The following TMEM80 variants were observed in gnomAD, a reference collection of about 807,000 sequenced individuals.
TMEM80 encodes transmembrane protein 80.
Under a neutral mutation model 13.6 loss-of-function variants are expected in TMEM80, and 16 were observed. The ratio of observed to expected loss-of-function variants is 1.17; its 90% CI spans 0.79 to 1.78. TMEM80 has a LOEUF of 1.78. Ranked by LOEUF, TMEM80 falls within the 40% of genes most tolerant of loss-of-function variation. The pLI is 0.00. For synonymous variants in TMEM80, 92 were observed against 89.5 expected (o/e 1.03, Z -0.16); for missense variants, 167 against 184.6 (o/e 0.90, Z 0.55).
At chr11:702,866 A>T in intron 4 of TMEM80, 79 bp from the exon 5 acceptor site, 1 of 1,399,414 alleles carries the variant, frequency 7.1e-7, no homozygotes, top group South Asian at 1.4e-5. Context: ...TGGTCCCAGC[A>T]GCCCTCCAGG....
At chr11:704,908 G>T (rs1285975711), downstream of TMEM80, 5 of 353,760 alleles carry the variant, frequency 1.4e-5, no homozygotes, top group East Asian at 3.7e-4. Flanking sequence ...GGAAGGGTGA[G>T]GGCACGGGTG....
chr11:702,761 C>T (rs1861553907), intron 4 of TMEM80, among the ~76,000 whole-genome samples, 184 bp from the exon 5 acceptor site: 1 of 152,268 alleles, frequency 6.6e-6, no homozygotes, highest in South Asian at 2.1e-4. Flanking sequence ...CTGTGTTGCC[C>T]ATGCTCTCTG....
At chr11:699,415 T>C (rs1861343004) in intron 2 of TMEM80, 1 of 153,276 alleles carries the variant, frequency 6.5e-6, no homozygotes, top group African/African-American at 2.5e-5. Context: ...TACTAGATAC[T>C]TAAGTCCCCC....
chr11:700,483 C>T (rs1026341500), intron 3 of TMEM80, 132 bp from the exon 4 acceptor site: 25 of 806,610 alleles, frequency 3.1e-5, no homozygotes, highest in South Asian at 4.5e-5. Flanking sequence ...GCCAAGATTG[C>T]GCCACTGAAC....
chr11:695,888 G>A (rs564208966), intron 1 of TMEM80, 42 bp downstream of exon 1: 60 of 1,217,764 alleles, frequency 4.9e-5, no homozygotes, highest in African/African-American at 4.7e-4. Context: ...TTGCAGCGGC[G>A]GGCGCGGCGT....
In TMEM80 at chr11:703,848, A is replaced by G; in HGVS notation, c.*698A>G. 1 of 1,236,418 alleles carries G rather than the reference A, an allele frequency of 8.1e-7. No homozygotes were observed. Among genetic ancestry groups the G allele is most frequent in the Non-Finnish European group, 1.0e-6 (1 of 991,250 alleles). 76.6% of individuals were successfully genotyped at this position (1,236,418 alleles called of 1,614,324 possible). ...CTAAGGCCGGGGATGAGACTGCAGG[A>G]GAGAGAGCAGCGGAGGGCCACATTC... is the stretch of plus-strand genomic sequence containing the variant. On this transcript the variant is annotated 3_prime_UTR_variant, in exon 5 of 5. Transcript: ENST00000397510.
upstream of TMEM80, chr11:695,815 C>T (rs961057739): frequency 8.1e-7 from 1 of 1,232,096 alleles, no homozygotes; most frequent in Non-Finnish European, 1.0e-6. Flanking sequence ...GACCGGCGGG[C>T]GGGGCGGGTA....
Position 703,830 on chromosome 11 carries a change from C to T in TMEM80, c.*680C>T, listed in dbSNP as rs749066690. 1.9e-4 allele frequency: 238 copies of T among 1,234,762 alleles called. No homozygotes were observed. The highest frequency in any genetic ancestry group is 2.0e-4 in the Non-Finnish European group (199 of 990,252). 76.5% of individuals were successfully genotyped at this position (1,234,762 alleles called of 1,614,324 possible). On this transcript the variant is annotated 3_prime_UTR_variant, in exon 5 of 5. Transcript: ENST00000397510. ...TCGGAGGAGAGGTCAGGGCTAAGGC[C>T]GGGGATGAGACTGCAGGAGAGAGAG...
upstream of TMEM80, chr11:695,724 G>C (rs552643462): frequency 1.2e-4 from 154 of 1,241,278 alleles, no homozygotes; most frequent in Non-Finnish European, 1.5e-4. Context: ...ACGCGGCGCG[G>C]TCGGGCCCCT....
At chr11:704,690 G>A, downstream of TMEM80, 1 of 1,272,062 alleles carries the variant, frequency 7.9e-7, no homozygotes. Flanking sequence ...CAAAGGCAGT[G>A]GTCACCTGTT....
chr11:703,054 G>A lies in TMEM80; in HGVS notation c.336G>A (p.Val112=). 6.2e-7 allele frequency: 1 copy of A among 1,612,846 alleles called. No homozygotes were observed. Among genetic ancestry groups the A allele is most frequent in the Non-Finnish European group, 8.5e-7 (1 of 1,179,844 alleles). Residue 112 remains valine, a synonymous_variant, in exon 5 of 5, where the codon GTG becomes GTA. Coordinates refer to ENST00000397510, the MANE Select transcript of TMEM80 (RefSeq NM_001042463.3). ...ACTTCCTGCTTTGGCAGGCCCTAGTGTTGTGGGCGGACTGGGCCCTCAGCG... is the reference window on the plus strand; with the variant it reads ...ACTTCCTGCTTTGGCAGGCCCTAGTATTGTGGGCGGACTGGGCCCTCAGCG... ...SAHFLLWQAL[V]LWADWALSAT...
At chr11:704,263 T>C, downstream of TMEM80, 1 of 725,034 alleles carries the variant, frequency 1.4e-6, no homozygotes, top group Middle Eastern at 5.8e-4. Context: ...CGCCTTCCGC[T>C]CGGTGGACTC....
intron 2 of TMEM80, chr11:699,734 A>G (rs1861356252): frequency 5.9e-6 from 1 of 168,116 alleles, no homozygotes; most frequent in South Asian, 1.4e-4. Context: ...TCTGGGCAAC[A>G]GAGCAAGACT....
At chr11:701,355 A>AT (rs1355488075) in intron 4 of TMEM80, among the ~76,000 whole-genome samples, 1 of 137,390 alleles carries the variant, frequency 7.3e-6, no homozygotes, top group Non-Finnish European at 1.6e-5. Flanking sequence ...CGCCCAGCTA[A>AT]TTTTGTTTTG....
intron 1 of TMEM80, among the ~76,000 whole-genome samples, chr11:696,691 A>G (rs1271066073): frequency 2.3e-4 from 1 of 4,314 alleles, no homozygotes. Flanking sequence ...ACTTGAGCCC[A>G]GGAGGTCGAG....
At position 703,700 on chromosome 11, in the gene TMEM80, G is replaced by A. The variant is rs560222327; in HGVS notation, c.*550G>A. The A allele has an allele frequency of 4.1e-5, 51 of 1,232,204 alleles. No individual in the cohort carries two copies. The highest frequency in any genetic ancestry group is 3.9e-4 in the African/African-American group (25 of 64,434). The allele number at this position is 1,232,204 out of a possible 1,614,324, so 76.3% of individuals were successfully genotyped here. ...CTCTGCCTCACAGGCAGGCAGGCCC[G>A]GTGCAAGAGTGGACTCTGGGTTCCT... On this transcript the variant is annotated 3_prime_UTR_variant, in exon 5 of 5. Coordinates refer to ENST00000397510, the MANE Select transcript of TMEM80 (RefSeq NM_001042463.3).
In TMEM80 at chr11:700,609, C is replaced by G. The variant is rs917330189; in HGVS notation, c.134-6C>G. The stretch of plus-strand genomic sequence containing the variant: ...CTTATGTTCCGTCCGCGCCTCTGCT[C>G]TTCAGGTCAGGTGTTCAGCTATCCT... On this transcript the variant is annotated splice_polypyrimidine_tract_variant and splice_region_variant and intron_variant, in intron 3 of 4. Coordinates refer to ENST00000397510, the MANE Select transcript of TMEM80 (RefSeq NM_001042463.3). 18 of 1,613,528 alleles carry G rather than the reference C, an allele frequency of 1.1e-5. No homozygotes were observed. Among genetic ancestry groups the G allele is most frequent in the Admixed American group, 3.3e-5 (2 of 59,988 alleles).
intron 1 of TMEM80, among the ~76,000 whole-genome samples, chr11:696,367 C>A (rs1159803146): frequency 1.3e-5 from 2 of 152,190 alleles, no homozygotes; most frequent in East Asian, 3.8e-4. Context: ...AGTGCCAAAC[C>A]TTCGTGCGTG....
At chr11:699,206 T>A in intron 2 of TMEM80, 1 of 443,076 alleles carries the variant, frequency 2.3e-6, no homozygotes, top group Non-Finnish European at 4.0e-6. Context: ...GTCCCTAGAT[T>A]CATTTTATTT....
Sources: allele counts gnomAD v4.1 joint callset (sites outside exome capture counted in the v4.1 genomes callset), GRCh38; gene constraint gnomAD v4.1.1; transcripts MANE v1.5; gene names NCBI Gene and HGNC (gene_info 2026-07-23, HGNC 2026-07-21).